PDE7A: variants seen among roughly 807,000 people sequenced by gnomAD.
PDE7A encodes the protein phosphodiesterase 7A.
PDE7A carries 39 observed loss-of-function variants against 64.3 expected under a neutral mutation model. The ratio of observed to expected loss-of-function variants is 0.61; its 90% CI spans 0.47 to 0.79. The LOEUF (loss-of-function observed/expected upper bound fraction) is 0.79. Among genes scored for constraint, PDE7A ranks in the 30% least tolerant of loss-of-function variants. The pLI is 0.00. For missense variants in PDE7A, 470 were observed against 582.8 expected (o/e 0.81, Z 1.99); for synonymous variants, 203 against 206.8 (o/e 0.98, Z 0.16).
At chr8:65,821,887 TACA>T (rs1464630214) in intron 1 of PDE7A, among the ~76,000 whole-genome samples, 2 of 152,240 alleles carry the variant, frequency 1.3e-5, no homozygotes, top group African/African-American at 4.8e-5. Flanking sequence ...AAAATATGGC[TACA>T]ACAAAATTTA....
intron 1 of PDE7A, among the ~76,000 whole-genome samples, chr8:65,809,704 C>A (rs1445799314): frequency 2.0e-5 from 3 of 152,138 alleles, no homozygotes; most frequent in African/African-American, 7.2e-5. Flanking sequence ...TGAACAGACA[C>A]TTTTCAAAAG....
intron 1 of PDE7A, among the ~76,000 whole-genome samples, chr8:65,812,561 G>GA (rs1008645339): frequency 3.3e-5 from 5 of 150,838 alleles, no homozygotes; most frequent in South Asian, 2.1e-4. Flanking sequence ...CTTAAAAGTG[G>GA]AAAAAAAATG....
intron 3 of PDE7A, among the ~76,000 whole-genome samples, chr8:65,772,625 A>G (rs935601253): frequency 6.6e-6 from 1 of 152,204 alleles, no homozygotes; most frequent in African/African-American, 2.4e-5. Flanking sequence ...AAACCTTAAG[A>G]TTCATAACTG....
intron 5 of PDE7A, among the ~76,000 whole-genome samples, chr8:65,741,989 T>C (rs1216461246): frequency 1.3e-5 from 2 of 152,202 alleles, no homozygotes; most frequent in African/African-American, 4.8e-5. Flanking sequence ...ACTACCCATA[T>C]GTAATTGAAA....
intron 1 of PDE7A, among the ~76,000 whole-genome samples, chr8:65,818,337 G>A (rs1005250014): frequency 3.9e-5 from 6 of 152,086 alleles, no homozygotes; most frequent in African/African-American, 1.4e-4. Flanking sequence ...CCCCATTAAA[G>A]GTAGTGTTGC....
intron 12 of PDE7A, chr8:65,720,605 GCTTT>G (rs369734511): frequency 2.6e-5 from 4 of 153,816 alleles, no homozygotes; most frequent in African/African-American, 9.6e-5. Context: ...GTGCAATAAG[GCTTT>G]CTTTCTTTCA....
chr8:65,744,584 AAGCGCTCTTAAAGAAGCTAC>A (rs1345115086), intron 5 of PDE7A, among the ~76,000 whole-genome samples: 5 of 152,190 alleles, frequency 3.3e-5, no homozygotes, highest in African/African-American at 1.2e-4. Flanking sequence ...AGATTCTGAT[AAGCGCTCTTAAAGAAGCTAC>A]AGCTCTTCCC....
At chr8:65,787,590 T>A (rs930840915) in intron 1 of PDE7A, among the ~76,000 whole-genome samples, 4 of 152,180 alleles carry the variant, frequency 2.6e-5, no homozygotes, top group East Asian at 1.9e-4. Flanking sequence ...ACAGTTTTTT[T>A]AAAAATAAAA....
At chr8:65,813,155 G>A (rs991521229) in intron 1 of PDE7A, among the ~76,000 whole-genome samples, 1 of 152,174 alleles carries the variant, frequency 6.6e-6, no homozygotes, top group Admixed American at 6.5e-5. Flanking sequence ...TAGTGAGAAT[G>A]TAAGTTAGCA....
At chr8:65,826,099 G>A (rs1409339870) in intron 1 of PDE7A, among the ~76,000 whole-genome samples, 2 of 152,170 alleles carry the variant, frequency 1.3e-5, no homozygotes, top group Non-Finnish European at 2.9e-5. Context: ...AACAAAGCTG[G>A]CATATTCACA....
chr8:65,724,222 A>G (rs1457781214), intron 11 of PDE7A, 33 bp downstream of exon 11: 1 of 1,334,672 alleles, frequency 7.5e-7, no homozygotes. Flanking sequence ...AATGAACTGG[A>G]TAGATTAATT....
intron 1 of PDE7A, chr8:65,789,237 C>T (rs548864454): frequency 5.4e-5 from 9 of 165,884 alleles, no homozygotes; most frequent in African/African-American, 2.2e-4. Context: ...GCTGACCTAA[C>T]AGTCTAACAA....
At chr8:65,768,736 G>A (rs533483819) in intron 3 of PDE7A, among the ~76,000 whole-genome samples, 2 of 152,290 alleles carry the variant, frequency 1.3e-5, no homozygotes, top group African/African-American at 4.8e-5. Flanking sequence ...ATCCTAAAGT[G>A]ATGTTAACAA....
intron 3 of PDE7A, among the ~76,000 whole-genome samples, chr8:65,776,029 G>C (rs1464150512): frequency 6.6e-6 from 1 of 151,840 alleles, no homozygotes; most frequent in African/African-American, 2.4e-5. Flanking sequence ...TTTAATTTCA[G>C]GCTTCCCCTA....
chr8:65,820,043 G>A (rs1426168066), intron 1 of PDE7A, among the ~76,000 whole-genome samples: 3 of 152,196 alleles, frequency 2.0e-5, no homozygotes, highest in Non-Finnish European at 4.4e-5. Flanking sequence ...CTACATGACA[G>A]CAAAATAAAA....
intron 3 of PDE7A, among the ~76,000 whole-genome samples, chr8:65,770,438 C>T (rs375637396): frequency 4.3e-4 from 66 of 152,262 alleles, no homozygotes; most frequent in African/African-American, 1.1e-3. Context: ...CATCAGATTT[C>T]GTGAGACTTA....
chr8:65,738,574 C>T lies in PDE7A; in HGVS notation c.595+928G>A, dbSNP rs1296608095. On this transcript the variant is annotated intron_variant, in intron 6 of 12. Coordinates refer to ENST00000401827, the MANE Select transcript of PDE7A (RefSeq NM_001242318.3). Reference sequence around the variant, plus strand: ...CCTCCCGAGCAGCTGGGATTACAGGCGTGCGCCACCATGCCTGGGTAATTT... The same window carrying T: ...CCTCCCGAGCAGCTGGGATTACAGGTGTGCGCCACCATGCCTGGGTAATTT... 3.9e-5 allele frequency among the ~76,000 whole-genome samples: 6 copies of T among 152,156 alleles called. No homozygotes were observed. In the East Asian group the frequency reaches 5.8e-4, roughly 15 times the overall value.
chr8:65,715,856 C>T lies in PDE7A; in HGVS notation c.*3434G>A, dbSNP rs1173556180. Reference sequence around the variant, plus strand: ...CAAAAAAATTAGCAGGGCCTGGTGGCGGGCGCCTGTAGTCCCAGCGACCTG... The same window carrying T: ...CAAAAAAATTAGCAGGGCCTGGTGGTGGGCGCCTGTAGTCCCAGCGACCTG... On this transcript the variant is annotated 3_prime_UTR_variant, in exon 13 of 13. Coordinates refer to ENST00000401827, the MANE Select transcript of PDE7A (RefSeq NM_001242318.3). Among the ~76,000 whole-genome samples the T allele has an allele frequency of 6.7e-6, 1 of 150,150 alleles. No individual in the cohort carries two copies. The highest frequency in any genetic ancestry group is 2.0e-4 in the East Asian group (1 of 5,000).
rs554138641 is a variant in PDE7A at position 65,777,876 on chromosome 8, A to T, written c.283+1844T>A. Among the ~76,000 whole-genome samples, 6 of 152,126 alleles carry T rather than the reference A, an allele frequency of 3.9e-5. No individual in the cohort carries two copies. In the East Asian group the frequency reaches 1.2e-3, roughly 29 times the overall value. ...TTATACTCTGGTACACTTAGGTGTGATTTTCTTTTAATGTTACTCTGCTTG... is the reference window on the plus strand; with the variant it reads ...TTATACTCTGGTACACTTAGGTGTGTTTTTCTTTTAATGTTACTCTGCTTG... On this transcript the variant is annotated intron_variant, in intron 3 of 12. Coordinates refer to ENST00000401827, the MANE Select transcript of PDE7A (RefSeq NM_001242318.3).
Sources: allele counts gnomAD v4.1 joint callset (sites outside exome capture counted in the v4.1 genomes callset), GRCh38; gene constraint gnomAD v4.1.1; transcripts MANE v1.5; gene names NCBI Gene and HGNC (gene_info 2026-07-23, HGNC 2026-07-21).